Variants in CDH13 observed in about 807,000 individuals in gnomAD.
CDH13 encodes the protein cadherin-13.
CDH13 carries 24 observed loss-of-function variants against 63.8 expected under a neutral mutation model. The ratio of observed to expected loss-of-function variants is 0.38; its 90% CI spans 0.27 to 0.53. The LOEUF (loss-of-function observed/expected upper bound fraction) is 0.53, where lower values mean the gene tolerates loss of function less well. CDH13 is among the 20% of genes least tolerant of loss of function. CDH13 has a pLI of 0.85. For missense variants in CDH13, 1,049 were observed against 903.1 expected, an observed-to-expected ratio of 1.16 and a Z score of -2.07; for synonymous variants, 503 against 355.3, an observed-to-expected ratio of 1.42 and a Z score of -4.67.
At chr16:83,093,893 A>G (rs1053698084) in intron 3 of CDH13, among the ~76,000 whole-genome samples, 1 of 152,214 alleles carries the variant, frequency 6.6e-6, no homozygotes, top group African/African-American at 2.4e-5. Flanking sequence ...AGAAGTGGGA[A>G]CTCCGTAAAA....
chr16:83,356,320 C>T, intron 6 of CDH13, among the ~76,000 whole-genome samples: 1 of 151,404 alleles, frequency 6.6e-6, no homozygotes, highest in South Asian at 2.1e-4. Flanking sequence ...TTTATAGTAG[C>T]CCAGCTTGCC....
In CDH13 at chr16:83,032,052, A is replaced by T. The variant is rs759127708; in HGVS notation, c.200A>T (p.Glu67Val). The T allele has an allele frequency of 6.2e-7, 1 of 1,608,150 alleles. No individual in the cohort carries two copies. The highest frequency in any genetic ancestry group is 2.2e-5 in the East Asian group (1 of 44,600). The change falls in exon 3 of 14, where the codon GAG (glutamate) becomes GTG (valine). Residue 67 changes from glutamate (E) to valine (V), a missense_variant. Coordinates refer to ENST00000567109, the MANE Select transcript of CDH13 (RefSeq NM_001257.5). ...AAGGGAAACGACAAGCTACGCTATG[A>T]GGTCTCGAGCCCATACTTCAAGGTG... ...DCKGNDKLRY[E>V]VSSPYFKVNS...
intron 1 of CDH13, among the ~76,000 whole-genome samples, chr16:82,707,084 T>C (rs909433981): frequency 2.6e-5 from 4 of 152,182 alleles, no homozygotes; most frequent in Admixed American, 1.3e-4. Context: ...GGCGGGAAAA[T>C]AGCTTTAGTC....
intron 3 of CDH13, among the ~76,000 whole-genome samples, chr16:83,045,897 A>G (rs1198712064): frequency 2.6e-5 from 4 of 152,366 alleles, no homozygotes; most frequent in Admixed American, 2.6e-4. Flanking sequence ...TGTTTGTAGA[A>G]AAATTAGCCT....
intron 6 of CDH13, among the ~76,000 whole-genome samples, chr16:83,394,124 A>T (rs902276091): frequency 6.6e-6 from 1 of 152,178 alleles, no homozygotes; most frequent in African/African-American, 2.4e-5. Context: ...GAGGAGCAGA[A>T]AAAAATAACT....
At chr16:83,485,827 A>T (rs116652354) in intron 6 of CDH13, among the ~76,000 whole-genome samples, 22 of 152,254 alleles carry the variant, frequency 1.4e-4, no homozygotes, top group African/African-American at 5.3e-4. Context: ...GCCCAGGCAC[A>T]TGGAGTTGGC....
chr16:83,427,022 G>T (rs1231691559), intron 6 of CDH13, among the ~76,000 whole-genome samples: 1 of 139,134 alleles, frequency 7.2e-6, no homozygotes, highest in Non-Finnish European at 1.5e-5. Context: ...CGCCTCCCAG[G>T]TTCACGCCAT....
chr16:83,414,007 A>G (rs781465031), intron 6 of CDH13, among the ~76,000 whole-genome samples: 1 of 152,082 alleles, frequency 6.6e-6, no homozygotes, highest in Non-Finnish European at 1.5e-5. Context: ...AAAAACAAAA[A>G]TACTCTTCTC....
intron 2 of CDH13, among the ~76,000 whole-genome samples, chr16:82,864,507 G>A (rs1732698103): frequency 6.6e-6 from 1 of 152,088 alleles, no homozygotes; most frequent in African/African-American, 2.4e-5. Context: ...GGAAGGAGAA[G>A]TGCTGAGATA....
chr16:83,399,104 T>C (rs1477223309), intron 6 of CDH13, among the ~76,000 whole-genome samples: 1 of 152,230 alleles, frequency 6.6e-6, no homozygotes, highest in Non-Finnish European at 1.5e-5. Flanking sequence ...GATTTTTCAT[T>C]GCCATGGCAT....
chr16:83,647,125 A>C (rs899862381), intron 8 of CDH13, among the ~76,000 whole-genome samples: 3 of 151,902 alleles, frequency 2.0e-5, no homozygotes, highest in Admixed American at 2.0e-4. Context: ...CCTGTATAAC[A>C]CGGTGAAATC....
At chr16:82,764,783 G>A (rs182984743) in intron 1 of CDH13, among the ~76,000 whole-genome samples, 71 of 151,804 alleles carry the variant, frequency 4.7e-4, no homozygotes, top group Admixed American at 3.9e-3. Context: ...CACACTCACA[G>A]AGTCCCTTCA....
intron 7 of CDH13, among the ~76,000 whole-genome samples, chr16:83,544,065 G>C (rs746852626): frequency 1.3e-5 from 2 of 152,182 alleles, no homozygotes; most frequent in Non-Finnish European, 2.9e-5. Flanking sequence ...GCTGCACCCA[G>C]TGGTTACTAG....
intron 2 of CDH13, among the ~76,000 whole-genome samples, chr16:82,933,402 T>C (rs1248253144): frequency 6.6e-6 from 1 of 152,066 alleles, no homozygotes; most frequent in African/African-American, 2.4e-5. Context: ...CATGATCCAA[T>C]CACCACTCAT....
chr16:82,658,977 T>C (rs1057157276), intron 1 of CDH13, among the ~76,000 whole-genome samples: 38 of 152,182 alleles, frequency 2.5e-4, no homozygotes, highest in African/African-American at 8.7e-4. Context: ...AAGCTGACTC[T>C]ATGTCTTGTG....
chr16:83,649,731 G>A (rs12716742), intron 8 of CDH13, among the ~76,000 whole-genome samples: 103,371 of 151,820 alleles, frequency 0.68, 35,796 homozygotes, highest in Non-Finnish European at 0.76. Context: ...GAACACGGAG[G>A]GCACCTGCCT....
chr16:83,032,910 A>G (rs999818668), intron 3 of CDH13, among the ~76,000 whole-genome samples: 1 of 152,196 alleles, frequency 6.6e-6, no homozygotes, highest in Non-Finnish European at 1.5e-5. Flanking sequence ...GTGACCCACT[A>G]GAATTGTATA....
rs1366015249 is a variant in CDH13 at position 83,780,132 on chromosome 16, G to T, written c.1846G>T (p.Asp616Tyr). Residue 616 changes from aspartate (D) to tyrosine (Y), a missense_variant, in exon 12 of 14, where the codon GAT (aspartate) becomes TAT (tyrosine). Coordinates refer to ENST00000567109, the MANE Select transcript of CDH13 (RefSeq NM_001257.5). ...ASDKDLHPNTDPFKFEIHKQA... is the reference protein window; with the variant it reads ...ASDKDLHPNTYPFKFEIHKQA... ...AGATAAGGATCTTCACCCGAATACAGATCCTTTCAAATTTGAAATCCACAA... is the reference window on the plus strand; with the variant it reads ...AGATAAGGATCTTCACCCGAATACATATCCTTTCAAATTTGAAATCCACAA... The T allele has an allele frequency of 2.5e-6, 4 of 1,613,186 alleles. No homozygotes were observed. Among genetic ancestry groups the T allele is most frequent in the Non-Finnish European group, 3.4e-6 (4 of 1,179,560 alleles).
chr16:83,152,417 A>C (rs1337274833), intron 4 of CDH13, among the ~76,000 whole-genome samples: 1 of 152,274 alleles, frequency 6.6e-6, no homozygotes, highest in Non-Finnish European at 1.5e-5. Flanking sequence ...ACAATATTAT[A>C]GCATTGTTCT....
Sources: gnomAD v4.1 joint callset for allele counts (sites outside exome capture counted in the v4.1 genomes callset) on GRCh38, gnomAD v4.1.1 for gene constraint, MANE v1.5 for transcripts, NCBI Gene and HGNC (gene_info 2026-07-23, HGNC 2026-07-21) for gene names.